PIAS3: variants seen among roughly 807,000 people sequenced by gnomAD.
PIAS3 encodes E3 SUMO-protein ligase PIAS3.
Under a neutral mutation model 67.6 loss-of-function variants are expected in PIAS3, and 34 were observed. The ratio of observed to expected loss-of-function variants is 0.50; its 90% confidence interval spans 0.38 to 0.67. The LOEUF (loss-of-function observed/expected upper bound fraction) is 0.67. PIAS3 is among the 30% of genes least tolerant of loss of function. The pLI, the probability that PIAS3 is intolerant of heterozygous loss-of-function variation, is 0.00. For missense variants in PIAS3, 693 were observed against 791.6 expected (o/e 0.88, Z 1.49); for synonymous variants, 341 against 313.8 (o/e 1.09, Z -0.92).
chr1:145,849,785 A>G, intron 13 of PIAS3, 73 bp from the exon 14 acceptor site: 1 of 1,509,246 alleles, frequency 6.6e-7, no homozygotes, highest in Non-Finnish European at 8.9e-7. Context: ...CATCTCAGAA[A>G]TGCCGTATGA....
rs1347118726 is a variant in PIAS3, at chr1:145,852,259, AAAAC to A, written c.1146-1110_1146-1107del. ...GGCAACAGAACGAGACCCTGTCTCA[AAAAC>A]AAACAAACAAACAAAAAGTGGGGGA... On this transcript the variant is annotated intron_variant, in intron 9 of 13. Transcript: ENST00000393045. 1.4e-4 allele frequency among the ~76,000 whole-genome samples: 21 copies of A among 152,298 alleles called. 1 individual carries two copies. The highest frequency in any genetic ancestry group is 6.2e-4 in the South Asian group (3 of 4,828).
intron 9 of PIAS3, among the ~76,000 whole-genome samples, chr1:145,851,977 A>C (rs1652982867): frequency 6.6e-6 from 1 of 152,084 alleles, no homozygotes; most frequent in Admixed American, 6.6e-5. Flanking sequence ...AAAAAAAAAA[A>C]AATCTGAGCA....
chr1:145,851,192 G>A (rs370289706), intron 9 of PIAS3, 39 bp from the exon 10 acceptor site: 85 of 1,609,112 alleles, frequency 5.3e-5, no homozygotes, highest in Admixed American at 1.0e-4. Context: ...GGGGCTGGGA[G>A]ATGAGCAGAA....
chr1:145,856,881 G>A lies in PIAS3; in HGVS notation c.150C>T (p.Ala50=), dbSNP rs1553735754. 6 of 1,614,158 alleles carry A rather than the reference G, an allele frequency of 3.7e-6. No homozygotes were observed. Among genetic ancestry groups the A allele is most frequent in the Non-Finnish European group, 4.2e-6 (5 of 1,180,022 alleles). Residue 50 remains alanine (A), a synonymous_variant, in exon 2 of 14, where the codon GCC becomes GCT. Coordinates refer to ENST00000393045, the MANE Select transcript of PIAS3 (RefSeq NM_006099.3). ...KALHLLKSSC[A]PSVQMKIKEL... Reference sequence around the variant, plus strand: ...CTTTGATCTTCATCTGGACACTAGGGGCACAGCTGGACTTCAGGAGGTGCA... The same window carrying A: ...CTTTGATCTTCATCTGGACACTAGGAGCACAGCTGGACTTCAGGAGGTGCA...
In PIAS3 at chr1:145,854,773, C is replaced by A; in HGVS notation, c.777G>T (p.Val259=). 1 of 1,614,144 alleles carries A rather than the reference C, an allele frequency of 6.2e-7. No individual in the cohort carries two copies. The highest frequency in any genetic ancestry group is 1.1e-5 in the South Asian group (1 of 91,076). Residue 259 remains valine (V), a synonymous_variant, in exon 6 of 14, where the codon GTG becomes GTT. Transcript: ENST00000393045. ...RLSATVPNTI[V]VNWSSEFGRN... ...GTCCGAACTCAGATGACCAATTGACCACAATGGTGTTGGGAACAGTGGCTG... is the reference window on the plus strand; with the variant it reads ...GTCCGAACTCAGATGACCAATTGACAACAATGGTGTTGGGAACAGTGGCTG...
intron 9 of PIAS3, among the ~76,000 whole-genome samples, chr1:145,852,833 T>C (rs1653016228): frequency 6.6e-6 from 1 of 152,122 alleles, no homozygotes; most frequent in African/African-American, 2.4e-5. Context: ...TAGCCTCAAA[T>C]GATCTTCCCA....
At chr1:145,858,694 G>A (rs587698728) in intron 1 of PIAS3, among the ~76,000 whole-genome samples, 1 of 103,926 alleles carries the variant, frequency 9.6e-6, no homozygotes. Context: ...TACTAAATCC[G>A]ACTTCTACCC....
chr1:145,855,991 G>A (rs1484135480), intron 4 of PIAS3, 77 bp downstream of exon 4: 8 of 1,243,246 alleles, frequency 6.4e-6, no homozygotes, highest in African/African-American at 5.9e-5. Context: ...GGGACATCTC[G>A]TAAGGGTATC....
At position 145,854,058 on chromosome 1, in the gene PIAS3, G is replaced by A. The variant is rs587752495; in HGVS notation, c.911-172C>T. 1.0e-4 allele frequency: 62 copies of A among 613,722 alleles called. No individual in the cohort carries two copies. The East Asian group carries it at 1.6e-3, about 16-fold the overall frequency. The allele number at this position is 613,722 out of a possible 1,614,324, so 38.0% of individuals were successfully genotyped here. A position where few individuals can be genotyped will look rare whatever the true frequency, so the allele number is the denominator to read the frequency against. ...CTGGGATATGGATGATGAAGGCTGGGTGTGGGGGATTTTCCCATCCCTGAA... is the reference window on the plus strand; with the variant it reads ...CTGGGATATGGATGATGAAGGCTGGATGTGGGGGATTTTCCCATCCCTGAA... On this transcript the variant is annotated intron_variant, in intron 7 of 13. Coordinates refer to ENST00000393045, the MANE Select transcript of PIAS3 (RefSeq NM_006099.3).
chr1:145,850,884 G>A lies in PIAS3; in HGVS notation c.1335C>T (p.Val445=), dbSNP rs781828952. 8.7e-6 allele frequency: 14 copies of A among 1,613,994 alleles called. No individual in the cohort carries two copies. The highest frequency in any genetic ancestry group is 6.7e-5 in the African/African-American group (5 of 74,894). ...GGDPSENKKK[V]EVIDLTIESS... Reference sequence around the variant, plus strand: ...TTTCTATTGTCAAGTCAATAACTTCGACCTTCTTCTTATTCTCTGATGGAT... The same window carrying A: ...TTTCTATTGTCAAGTCAATAACTTCAACCTTCTTCTTATTCTCTGATGGAT... The change falls in exon 11 of 14, where the codon GTC becomes GTT. Residue 445 remains valine (V), a synonymous_variant. Coordinates refer to ENST00000393045, the MANE Select transcript of PIAS3 (RefSeq NM_006099.3).
At position 145,856,929 on chromosome 1, in the gene PIAS3, C is replaced by A; in HGVS notation, c.102G>T (p.Lys34Asn). ...GFAGRNKSGRKHELLAKALHL... is the reference protein window; with the variant it reads ...GFAGRNKSGRNHELLAKALHL... ...GCAGAGCCTTGGCCAGGAGCTCGTG[C>A]TTCCGTCCACTCTTGTTCCGGCCAG... Residue 34 changes from lysine to asparagine, a missense_variant, in exon 2 of 14, where the codon AAG becomes AAT. Transcript: ENST00000393045. 6.2e-7 allele frequency: 1 copy of A among 1,614,146 alleles called. No individual in the cohort carries two copies. The highest frequency in any genetic ancestry group is 8.5e-7 in the Non-Finnish European group (1 of 1,179,978).
chr1:145,856,909 G>A lies in PIAS3; in HGVS notation c.122C>T (p.Ala41Val). The change falls in exon 2 of 14, where the codon GCT becomes GTT. Residue 41 changes from alanine (A) to valine (V), a missense_variant. Ala to Val is a moderately conservative substitution (Grantham distance 64). This residue lies in a region of PIAS3 where 308 missense variants were observed against 348.8 expected (regional missense o/e 0.88). Coordinates refer to ENST00000393045, the MANE Select transcript of PIAS3 (RefSeq NM_006099.3). ...ACAGCTGGACTTCAGGAGGTGCAGA[G>A]CCTTGGCCAGGAGCTCGTGCTTCCG... is the stretch of plus-strand genomic sequence containing the variant. ...SGRKHELLAK[A>V]LHLLKSSCAP... The A allele has an allele frequency of 1.2e-6, 2 of 1,614,198 alleles. No homozygotes were observed. The highest frequency in any genetic ancestry group is 1.7e-6 in the Non-Finnish European group (2 of 1,180,020).
At position 145,850,844 on chromosome 1, in the gene PIAS3, C is replaced by T; in HGVS notation, c.1375G>A (p.Glu459Lys). The T allele has an allele frequency of 5.6e-6, 9 of 1,614,216 alleles. No homozygotes were observed. The highest frequency in any genetic ancestry group is 7.6e-6 in the Non-Finnish European group (9 of 1,180,024). Residue 459 changes from glutamate (E) to lysine (K), a missense_variant, in exon 11 of 14, where the codon GAG (glutamate) becomes AAG (lysine). Around this residue, in one of 3 missense-constraint regions of PIAS3, gnomAD observed 270 missense variants for 261.0 expected, o/e 1.03. Transcript: ENST00000393045. ...TGCTTCTTGGTAGGGGGCAGATCCT[C>T]CTCATCTGATGAGCTTTCTATTGTC... is the stretch of plus-strand genomic sequence containing the variant. ...DLTIESSSDE[E>K]DLPPTKKHCS...
chr1:145,854,717 T>G (rs902397090), intron 6 of PIAS3, 29 bp downstream of exon 6: 4 of 1,614,058 alleles, frequency 2.5e-6, no homozygotes, highest in Non-Finnish European at 3.4e-6. Context: ...CAGCAGGCTT[T>G]TCCAGGCACC....
intron 12 of PIAS3, 31 bp downstream of exon 12, chr1:145,850,422 T>C (rs782164969): frequency 1.2e-6 from 2 of 1,613,244 alleles, no homozygotes; most frequent in African/African-American, 2.7e-5. Context: ...GGTGTGGCAG[T>C]GCAGGGTCCA....
At position 145,858,768 on chromosome 1, in the gene PIAS3, A is replaced by T. The variant is rs377132938; in HGVS notation, c.24+199T>A. On this transcript the variant is annotated intron_variant, in intron 1 of 13. Transcript: ENST00000393045. Reference sequence around the variant, plus strand: ...CAATTCCCCTCGGCCCCACCCCTACATCTGCCCCGCAGCCCCGCCCCCGGA... The same window carrying T: ...CAATTCCCCTCGGCCCCACCCCTACTTCTGCCCCGCAGCCCCGCCCCCGGA... Among the ~76,000 whole-genome samples the T allele has an allele frequency of 3.9e-4, 27 of 69,828 alleles. No homozygotes were observed. The East Asian group carries it at 8.8e-3, about 23-fold the overall frequency. The allele number at this position is 69,828 out of a possible 152,430, so 45.8% of individuals were successfully genotyped here. A position where few individuals can be genotyped will look rare whatever the true frequency, so the allele number is the denominator to read the frequency against.
intron 7 of PIAS3, 83 bp downstream of exon 7, chr1:145,854,375 G>T (rs1653077117): frequency 4.3e-6 from 4 of 930,522 alleles, no homozygotes; most frequent in Non-Finnish European, 5.2e-6. Flanking sequence ...CAAAAAAGAG[G>T]TATGGGTTTA....
At chr1:145,851,248 T>A in intron 9 of PIAS3, 95 bp from the exon 10 acceptor site, 1 of 1,277,926 alleles carries the variant, frequency 7.8e-7, no homozygotes, top group Non-Finnish European at 1.1e-6. Context: ...CTCAGTTTCC[T>A]CATCTGTAAA....
Position 145,853,477 on chromosome 1 carries a change from A to G in PIAS3, c.1145+27T>C, listed in dbSNP as rs782227388. The G allele has an allele frequency of 1.2e-5, 18 of 1,553,870 alleles. No homozygotes were observed. The African/African-American group carries it at 2.1e-4, about 18-fold the overall frequency. ...GAAAAGAGGTTCTAGTGGATGTCCT[A>G]GGTAAGAGGAAGCAAAATGGCCCTA... On this transcript the variant is annotated intron_variant, in intron 9 of 13. Coordinates refer to ENST00000393045, the MANE Select transcript of PIAS3 (RefSeq NM_006099.3).
Sources: allele counts gnomAD v4.1 joint callset (sites outside exome capture counted in the v4.1 genomes callset), GRCh38; gene constraint gnomAD v4.1.1; regional missense constraint gnomAD v4.1.1; transcripts MANE v1.5; gene names NCBI Gene and HGNC (gene_info 2026-07-23, HGNC 2026-07-21).